Variants in ZAR1 observed in about 807,000 individuals in gnomAD.
ZAR1 encodes the protein zygote arrest 1.
ZAR1 carries 37 observed loss-of-function variants against 38.3 expected under a neutral mutation model. That is an observed-to-expected ratio of 0.97 (90% CI 0.74 to 1.27). The LOEUF is 1.27. Ranked by LOEUF, ZAR1 falls within the 50% of genes most tolerant of loss-of-function variation. ZAR1 has a pLI of 0.00. For missense variants in ZAR1, 651 were observed against 632.4 expected (o/e 1.03, Z -0.32); for synonymous variants, 336 against 292.0 (o/e 1.15, Z -1.53).
chr4:48,490,641 C>G lies in ZAR1; in HGVS notation c.350C>G (p.Ala117Gly). 1 of 1,347,396 alleles carries G rather than the reference C, an allele frequency of 7.4e-7. No individual in the cohort carries two copies. The highest frequency in any genetic ancestry group is 9.5e-7 in the Non-Finnish European group (1 of 1,057,610). The allele number at this position is 1,347,396 out of a possible 1,614,324, so 83.5% of individuals were successfully genotyped here. A position where few individuals can be genotyped will look rare whatever the true frequency, so the allele number is the denominator to read the frequency against. The change falls in exon 1 of 4, where the codon GCG (alanine) becomes GGG (glycine). Residue 117 changes from alanine to glycine, a missense_variant. By Grantham distance (60) the Ala-to-Gly change is moderately conservative. Coordinates refer to ENST00000327939, the MANE Select transcript of ZAR1 (RefSeq NM_175619.3). The stretch of plus-strand genomic sequence containing the variant: ...CAGGTGAGCCCGCGCATCGACGCCG[C>G]GGTACAGTGCTCGCTGGGGAGGCGC... The part of the protein sequence containing the change: ...AVQVSPRIDA[A>G]VQCSLGRRTL...
intron 3 of ZAR1, among the ~76,000 whole-genome samples, chr4:48,493,799 T>C (rs1207595235): frequency 1.3e-5 from 2 of 152,254 alleles, no homozygotes; most frequent in Non-Finnish European, 2.9e-5. Flanking sequence ...TTGGTGTTCA[T>C]TGTCAAATTC....
chr4:48,491,039 C>G lies in ZAR1; in HGVS notation c.748C>G (p.Arg250Gly). Residue 250 changes from arginine to glycine, a missense_variant, in exon 1 of 4, where the codon CGA becomes GGA. Around this residue, in one of 2 missense-constraint regions of ZAR1, gnomAD observed 522 missense variants for 459.9 expected, o/e 1.14. Coordinates refer to ENST00000327939, the MANE Select transcript of ZAR1 (RefSeq NM_175619.3). ...DDDGEAQAAV[R>G]ASWEQPADGP... ...CGACGGCGAGGCCCAGGCCGCAGTC[C>G]GAGCGAGCTGGGAGCAGCCGGCCGA... 7.4e-7 allele frequency: 1 copy of G among 1,352,706 alleles called. No homozygotes were observed. The highest frequency in any genetic ancestry group is 9.4e-7 in the Non-Finnish European group (1 of 1,058,234). 83.8% of individuals were successfully genotyped at this position (1,352,706 alleles called of 1,614,324 possible).
chr4:48,492,802 G>T lies in ZAR1; in HGVS notation c.1000G>T (p.Asp334Tyr), dbSNP rs1718481504. ...EQKYGYYHCK[D>Y]CNIRWESAYV... Reference sequence around the variant, plus strand: ...GAAATATGGCTATTACCACTGCAAGGACTGCAACATCCGCTGGGAGAGTGC... The same window carrying T: ...GAAATATGGCTATTACCACTGCAAGTACTGCAACATCCGCTGGGAGAGTGC... Residue 334 changes from aspartate to tyrosine, a missense_variant, in exon 2 of 4, where the codon GAC becomes TAC. Physicochemically the swap from Asp to Tyr is radical, Grantham distance 160. Coordinates refer to ENST00000327939, the MANE Select transcript of ZAR1 (RefSeq NM_175619.3). 1 of 1,614,168 alleles carries T rather than the reference G, an allele frequency of 6.2e-7. No homozygotes were observed.
intron 1 of ZAR1, 85 bp downstream of exon 1, chr4:48,491,339 C>G: frequency 9.4e-7 from 1 of 1,065,872 alleles, no homozygotes; most frequent in Non-Finnish European, 1.2e-6. Flanking sequence ...GCTTCGGGCA[C>G]TCGGAGGTGC....
rs200326999 is a variant in ZAR1 at position 48,491,095 on chromosome 4, G to A, written c.804G>A (p.Gln268=). The part of the protein sequence containing the change: ...DGPELPPREA[Q]EGEAAPRSAL... ...CCGAGCTGCCGCCGCGAGAGGCCCA[G>A]GAGGGCGAGGCGGCTCCGCGGTCGG... The change falls in exon 1 of 4, where the codon CAG becomes CAA. Residue 268 remains glutamine, a synonymous_variant. Coordinates refer to ENST00000327939, the MANE Select transcript of ZAR1 (RefSeq NM_175619.3). 2,424 of 1,285,452 alleles carry A rather than the reference G, an allele frequency of 1.9e-3. 47 individuals are homozygous for A. In the African/African-American group the frequency reaches 0.035, roughly 19 times the overall value. The allele number at this position is 1,285,452 out of a possible 1,614,324, so 79.6% of individuals were successfully genotyped here.
chr4:48,495,018 CTTT>C (rs539846997), downstream of ZAR1, among the ~76,000 whole-genome samples: 3 of 149,400 alleles, frequency 2.0e-5, no homozygotes, highest in African/African-American at 7.4e-5. Flanking sequence ...TCTTCAAAGC[CTTT>C]TTTTTTTCTT....
At chr4:48,491,336 G>T in intron 1 of ZAR1, 82 bp downstream of exon 1, 10 of 1,083,464 alleles carry the variant, frequency 9.2e-6, no homozygotes, top group Non-Finnish European at 1.2e-5. Flanking sequence ...ACTGCTTCGG[G>T]CACTCGGAGG....
Position 48,494,313 on chromosome 4 carries a change from A to G in ZAR1, c.*69A>G. On this transcript the variant is annotated 3_prime_UTR_variant, in exon 4 of 4. Coordinates refer to ENST00000327939, the MANE Select transcript of ZAR1 (RefSeq NM_175619.3). ...GTGAGCTTTTCCGTGCCTCTCCTCC[A>G]CCTCTCCCTTCTCAAAATACTTCAT... The G allele has an allele frequency of 6.4e-7, 1 of 1,573,984 alleles. No individual in the cohort carries two copies. The highest frequency in any genetic ancestry group is 8.7e-7 in the Non-Finnish European group (1 of 1,153,152).
chr4:48,492,218 C>T (rs1182448254), intron 1 of ZAR1, among the ~76,000 whole-genome samples: 2 of 152,166 alleles, frequency 1.3e-5, no homozygotes, highest in African/African-American at 2.4e-5. Context: ...AAAACGTGTG[C>T]ATAACTGCTT....
chr4:48,492,908 A>C, intron 2 of ZAR1, 30 bp from the exon 3 acceptor site: 1 of 1,614,132 alleles, frequency 6.2e-7, no homozygotes, highest in Non-Finnish European at 8.5e-7. Context: ...TGTCAAGGCG[A>C]TTTTAAGTTT....
Position 48,491,196 on chromosome 4 carries a change from C to G in ZAR1, c.905C>G (p.Ala302Gly). 8.1e-7 allele frequency: 1 copy of G among 1,234,244 alleles called. No individual in the cohort carries two copies. The highest frequency in any genetic ancestry group is 1.0e-6 in the Non-Finnish European group (1 of 989,492). The allele number at this position is 1,234,244 out of a possible 1,614,324, so 76.5% of individuals were successfully genotyped here. A position where few individuals can be genotyped will look rare whatever the true frequency, so the allele number is the denominator to read the frequency against. Residue 302 changes from alanine to glycine, a missense_variant, in exon 1 of 4, where the codon GCG becomes GGG. Ala to Gly is a moderately conservative substitution (Grantham distance 60). Around this residue, in one of 2 missense-constraint regions of ZAR1, gnomAD observed 129 missense variants for 172.5 expected, o/e 0.75. Transcript: ENST00000327939. The part of the protein sequence containing the change: ...DGGDGREAAV[A>G]GEGPSPRSPE... ...GGCGACGGACGGGAGGCGGCCGTCGCGGGAGAGGGGCCGTCGCCACGGAGC... is the reference window on the plus strand; with the variant it reads ...GGCGACGGACGGGAGGCGGCCGTCGGGGGAGAGGGGCCGTCGCCACGGAGC...
intron 1 of ZAR1, among the ~76,000 whole-genome samples, chr4:48,492,333 G>A (rs1718465938): frequency 6.6e-6 from 1 of 152,154 alleles, no homozygotes; most frequent in Non-Finnish European, 1.5e-5. Flanking sequence ...CCACTGTTTG[G>A]GAGTTAACTA....
chr4:48,496,019 C>T (rs1718589730), downstream of ZAR1, among the ~76,000 whole-genome samples: 1 of 152,178 alleles, frequency 6.6e-6, no homozygotes, highest in African/African-American at 2.4e-5. Context: ...TGGCCTCAAG[C>T]TCCTGGGCTC....
intron 1 of ZAR1, among the ~76,000 whole-genome samples, chr4:48,492,504 C>G (rs1408094039): frequency 6.6e-6 from 1 of 152,154 alleles, no homozygotes; most frequent in African/African-American, 2.4e-5. Context: ...TTTATTATGT[C>G]CCTACTTATT....
Position 48,491,048 on chromosome 4 carries a change from T to C in ZAR1, c.757T>C (p.Trp253Arg), listed in dbSNP as rs1718424258. ...GGCCCAGGCCGCAGTCCGAGCGAGC[T>C]GGGAGCAGCCGGCCGACGGTCCCGA... ...GEAQAAVRAS[W>R]EQPADGPELP... Residue 253 changes from tryptophan (W) to arginine (R), a missense_variant, in exon 1 of 4, where the codon TGG becomes CGG. Physicochemically the swap from Trp to Arg is moderately radical, Grantham distance 101. Coordinates refer to ENST00000327939, the MANE Select transcript of ZAR1 (RefSeq NM_175619.3). 4 of 1,339,968 alleles carry C rather than the reference T, an allele frequency of 3.0e-6. No individual in the cohort carries two copies. The South Asian group carries it at 5.8e-5, about 19-fold the overall frequency. 83.0% of individuals were successfully genotyped at this position (1,339,968 alleles called of 1,614,324 possible).
At position 48,492,749 on chromosome 4, in the gene ZAR1, C is replaced by A; in HGVS notation, c.964-17C>A. On this transcript the variant is annotated splice_polypyrimidine_tract_variant and intron_variant, in intron 1 of 3. Transcript: ENST00000327939. Reference sequence around the variant, plus strand: ...TCAGGTGTTTTGTTGGTTAAATTGACATATCCTGTTGTTCAGTTCTTAGAG... The same window carrying A: ...TCAGGTGTTTTGTTGGTTAAATTGAAATATCCTGTTGTTCAGTTCTTAGAG... The A allele has an allele frequency of 6.2e-7, 1 of 1,607,694 alleles. No individual in the cohort carries two copies. Among genetic ancestry groups the A allele is most frequent in the Non-Finnish European group, 8.5e-7 (1 of 1,174,366 alleles).
chr4:48,491,761 T>TA (rs1482301186), intron 1 of ZAR1, among the ~76,000 whole-genome samples: 1 of 152,222 alleles, frequency 6.6e-6, no homozygotes, highest in Non-Finnish European at 1.5e-5. Flanking sequence ...CTGGAGCTCC[T>TA]AAAATGCCCC....
downstream of ZAR1, chr4:48,497,609 G>A (rs1262316028): frequency 6.6e-6 from 1 of 152,554 alleles, no homozygotes; most frequent in Non-Finnish European, 1.5e-5. Context: ...AGGATGTAAG[G>A]AGGGTAAGAA....
At chr4:48,493,459 G>C (rs995550110) in intron 3 of ZAR1, among the ~76,000 whole-genome samples, 1 of 152,220 alleles carries the variant, frequency 6.6e-6, no homozygotes, top group Non-Finnish European at 1.5e-5. Context: ...AATCTAAGTT[G>C]TCTAGCTTTA....
Sources: allele counts gnomAD v4.1 joint callset (sites outside exome capture counted in the v4.1 genomes callset), GRCh38; gene constraint gnomAD v4.1.1; regional missense constraint gnomAD v4.1.1; transcripts MANE v1.5; gene names NCBI Gene and HGNC (gene_info 2026-07-23, HGNC 2026-07-21).